The following RIMS2 variants were observed in gnomAD, a reference collection of about 807,000 sequenced individuals.
The protein encoded by RIMS2 is regulating synaptic membrane exocytosis protein 2.
RIMS2 carries 59 observed loss-of-function variants against 174.4 expected under a neutral mutation model. The ratio of observed to expected loss-of-function variants is 0.34; its 90% CI spans 0.27 to 0.42. RIMS2 has a LOEUF of 0.42. Ranked by LOEUF, RIMS2 falls within the 10% of genes least tolerant of loss-of-function variation. The pLI is 1.00. For synonymous variants in RIMS2, 606 were observed against 572.5 expected, an observed-to-expected ratio of 1.06 and a Z score of -0.84; for missense variants, 1,620 against 1,666.3, an observed-to-expected ratio of 0.97 and a Z score of 0.48.
chr8:104,036,497 T>TC (rs1225049528), intron 19 of RIMS2, among the ~76,000 whole-genome samples: 1 of 152,138 alleles, frequency 6.6e-6, no homozygotes, highest in Non-Finnish European at 1.5e-5. Context: ...TCTCTTTTTT[T>TC]CTGCATTTAA....
intron 1 of RIMS2, among the ~76,000 whole-genome samples, chr8:103,594,296 T>A (rs529583988): frequency 1.3e-4 from 20 of 151,794 alleles, no homozygotes; most frequent in African/African-American, 3.9e-4. Flanking sequence ...CTATTTAAAA[T>A]AGCCCCTAAG....
intron 1 of RIMS2, among the ~76,000 whole-genome samples, chr8:103,522,345 A>G (rs922668438): frequency 1.3e-5 from 2 of 152,116 alleles, no homozygotes; most frequent in African/African-American, 4.8e-5. Flanking sequence ...GAGTAGAGTG[A>G]TACTTTGATT....
At chr8:103,663,130 C>T (rs1209241183) in intron 1 of RIMS2, among the ~76,000 whole-genome samples, 2 of 151,694 alleles carry the variant, frequency 1.3e-5, no homozygotes, top group African/African-American at 2.4e-5. Flanking sequence ...GATTACACCA[C>T]TGCACCCTAG....
chr8:104,122,893 A>C (rs931690033), intron 19 of RIMS2, among the ~76,000 whole-genome samples: 5 of 152,150 alleles, frequency 3.3e-5, no homozygotes, highest in Non-Finnish European at 5.9e-5. Context: ...ACAGTCAACA[A>C]GTTATCTTTC....
At chr8:103,600,525 C>T (rs1453216475) in intron 1 of RIMS2, among the ~76,000 whole-genome samples, 1 of 152,222 alleles carries the variant, frequency 6.6e-6, no homozygotes, top group Non-Finnish European at 1.5e-5. Flanking sequence ...CATGCCTTGG[C>T]CTCCCAAAGT....
intron 19 of RIMS2, among the ~76,000 whole-genome samples, chr8:104,144,221 GT>G (rs2098609391): frequency 6.6e-6 from 1 of 152,096 alleles, no homozygotes; most frequent in South Asian, 2.1e-4. Context: ...TGTATTGGCA[GT>G]TTTATATATT....
intron 3 of RIMS2, among the ~76,000 whole-genome samples, chr8:103,792,408 A>G (rs899453973): frequency 1.3e-5 from 2 of 152,214 alleles, no homozygotes; most frequent in Admixed American, 1.3e-4. Context: ...AATCTCTGGG[A>G]CACACTTAAA....
chr8:103,824,537 C>A (rs1273917170), intron 3 of RIMS2, among the ~76,000 whole-genome samples: 1 of 152,154 alleles, frequency 6.6e-6, no homozygotes, highest in Non-Finnish European at 1.5e-5. Context: ...AAACCCATTG[C>A]ACGTTAAAAA....
At chr8:104,127,493 A>G (rs779866511) in intron 19 of RIMS2, among the ~76,000 whole-genome samples, 1 of 152,180 alleles carries the variant, frequency 6.6e-6, no homozygotes, top group African/African-American at 2.4e-5. Flanking sequence ...TGTATATAGC[A>G]TTGTGTTAAG....
chr8:103,812,732 C>T (rs1442943064), intron 3 of RIMS2, among the ~76,000 whole-genome samples: 1 of 152,212 alleles, frequency 6.6e-6, no homozygotes, highest in African/African-American at 2.4e-5. Flanking sequence ...TTAGGAATTC[C>T]ATCATCTGCC....
chr8:103,848,645 A>G (rs1436598679), intron 3 of RIMS2, among the ~76,000 whole-genome samples: 1 of 151,960 alleles, frequency 6.6e-6, no homozygotes, highest in Admixed American at 6.6e-5. Context: ...AGTATGCTCT[A>G]TTCTAGAACC....
chr8:103,652,946 G>A (rs1244745916), intron 1 of RIMS2, among the ~76,000 whole-genome samples: 1 of 150,924 alleles, frequency 6.6e-6, no homozygotes, highest in African/African-American at 2.4e-5. Flanking sequence ...TATAAATAAT[G>A]TAAGCCATAC....
chr8:103,982,344 C>G (rs7009080), intron 16 of RIMS2, among the ~76,000 whole-genome samples: 34,844 of 151,654 alleles, frequency 0.23, 4,219 homozygotes, highest in African/African-American at 0.24. Flanking sequence ...CAACTCTACT[C>G]AAACTATTTC....
At chr8:103,733,757 A>G (rs2097643698) in intron 2 of RIMS2, among the ~76,000 whole-genome samples, 1 of 152,048 alleles carries the variant, frequency 6.6e-6, no homozygotes. Flanking sequence ...AAACTCACAG[A>G]TTCTCTTTCC....
At chr8:103,583,447 G>A (rs990307697) in intron 1 of RIMS2, among the ~76,000 whole-genome samples, 6 of 152,048 alleles carry the variant, frequency 3.9e-5, no homozygotes, top group Admixed American at 1.3e-4. Flanking sequence ...ACTAAATAAG[G>A]CATCAGGGAT....
At chr8:104,200,344 G>T (rs2099048520) in intron 19 of RIMS2, among the ~76,000 whole-genome samples, 1 of 152,114 alleles carries the variant, frequency 6.6e-6, no homozygotes, top group African/African-American at 2.4e-5. Flanking sequence ...TCACTTAAGA[G>T]TTTTTTGTTG....
At chr8:103,549,042 A>G (rs1420595245) in intron 1 of RIMS2, among the ~76,000 whole-genome samples, 2 of 152,184 alleles carry the variant, frequency 1.3e-5, no homozygotes, top group African/African-American at 4.8e-5. Context: ...ATGGAAAAAC[A>G]TTCTGTGCTG....
intron 1 of RIMS2, among the ~76,000 whole-genome samples, chr8:103,551,730 C>T (rs1437428096): frequency 2.6e-5 from 4 of 152,280 alleles, no homozygotes; most frequent in Admixed American, 2.0e-4. Flanking sequence ...TCTCCTTAAG[C>T]TGATAAGCAA....
At chr8:104,206,750 G>A (rs577036497) in intron 19 of RIMS2, among the ~76,000 whole-genome samples, 1 of 152,326 alleles carries the variant, frequency 6.6e-6, no homozygotes, top group East Asian at 1.9e-4. Context: ...ATTAACCACT[G>A]TGTCATAATG....
Sources: allele counts gnomAD v4.1 joint callset (sites outside exome capture counted in the v4.1 genomes callset), GRCh38; gene constraint gnomAD v4.1.1; transcripts MANE v1.5; gene names NCBI Gene and HGNC (gene_info 2026-07-23, HGNC 2026-07-21).